Variants in AUTS2 observed in about 807,000 individuals in gnomAD.
AUTS2 encodes activator of transcription and developmental regulator AUTS2.
A neutral mutation model predicts 112.4 loss-of-function variants in AUTS2; 17 were observed. The observed-to-expected ratio is 0.15, with a 90% confidence interval of 0.10 to 0.23. The LOEUF (loss-of-function observed/expected upper bound fraction) is 0.23. Among genes scored for constraint, AUTS2 ranks in the 10% least tolerant of loss-of-function variants. The probability of loss-of-function intolerance (pLI) is 1.00; values close to 1 mark genes in which losing one functional copy is unlikely to be tolerated. For synonymous variants in AUTS2, 751 were observed against 702.7 expected, an observed-to-expected ratio of 1.07 and a Z score of -1.09; for missense variants, 1,510 against 1,701.6, an observed-to-expected ratio of 0.89 and a Z score of 1.98.
At chr7:69,858,135 T>C (rs1792817458) in intron 1 of AUTS2, among the ~76,000 whole-genome samples, 1 of 152,196 alleles carries the variant, frequency 6.6e-6, no homozygotes, top group East Asian at 1.9e-4. Flanking sequence ...ACCTGGTGTG[T>C]GGCTAGATCA....
intron 1 of AUTS2, among the ~76,000 whole-genome samples, chr7:69,881,371 A>ATTT (rs34319045): frequency 7.3e-6 from 1 of 136,824 alleles, no homozygotes; most frequent in African/African-American, 2.7e-5. Flanking sequence ...CAATAAACCC[A>ATTT]TTTTTTTTTT....
intron 2 of AUTS2, among the ~76,000 whole-genome samples, chr7:70,034,632 C>G (rs1355754451): frequency 6.6e-6 from 1 of 152,154 alleles, no homozygotes; most frequent in African/African-American, 2.4e-5. Context: ...TCTAGTATCA[C>G]TGTCTTGTTC....
intron 2 of AUTS2, among the ~76,000 whole-genome samples, chr7:70,046,431 A>G (rs1033795344): frequency 5.3e-5 from 8 of 152,208 alleles, no homozygotes; most frequent in African/African-American, 1.7e-4. Context: ...AGTGCTAGCT[A>G]TTATAGTGAT....
At chr7:70,042,519 T>C (rs1210052577) in intron 2 of AUTS2, among the ~76,000 whole-genome samples, 2 of 152,218 alleles carry the variant, frequency 1.3e-5, no homozygotes, top group African/African-American at 4.8e-5. Context: ...GTGCATTAAA[T>C]ACTGGAACCT....
intron 5 of AUTS2, among the ~76,000 whole-genome samples, chr7:70,590,578 C>T (rs763002116): frequency 1.3e-5 from 2 of 152,170 alleles, no homozygotes; most frequent in Non-Finnish European, 1.5e-5. Flanking sequence ...CTCGTCCCTC[C>T]AGACCTTTGA....
intron 5 of AUTS2, among the ~76,000 whole-genome samples, chr7:70,586,677 C>T (rs1333994473): frequency 6.6e-6 from 1 of 152,144 alleles, no homozygotes; most frequent in East Asian, 1.9e-4. Context: ...GCATCCTAAA[C>T]TCTGGTGTGG....
chr7:69,887,121 T>G (rs1337068391), intron 1 of AUTS2, among the ~76,000 whole-genome samples: 2 of 152,088 alleles, frequency 1.3e-5, no homozygotes, highest in African/African-American at 2.4e-5. Flanking sequence ...ACTTATTGAT[T>G]GTCTTCCTGG....
At chr7:70,355,759 A>G (rs1791982045) in intron 4 of AUTS2, among the ~76,000 whole-genome samples, 1 of 152,082 alleles carries the variant, frequency 6.6e-6, no homozygotes, top group African/African-American at 2.4e-5. Context: ...CTGATATATG[A>G]CACTAATATA....
At chr7:69,929,235 A>C (rs1338071591) in intron 2 of AUTS2, among the ~76,000 whole-genome samples, 1 of 151,124 alleles carries the variant, frequency 6.6e-6, no homozygotes, top group Non-Finnish European at 1.5e-5. Context: ...AATTTGTGTC[A>C]CTCTTAGTTT....
Position 70,118,398 on chromosome 7 carries a change from A to C in AUTS2, c.624+165A>C, listed in dbSNP as rs1439872660. On this transcript the variant is annotated intron_variant, in intron 3 of 18. Transcript: ENST00000342771. ...ATTATCTTTGTATACTTATTTGAGC[A>C]TTGTAGTTATGGTGTCATTCTAAAA... 11 of 818,170 alleles carry C rather than the reference A, an allele frequency of 1.3e-5. No homozygotes were observed. In the African/African-American group the frequency reaches 2.0e-4, roughly 15 times the overall value. The allele number at this position is 818,170 out of a possible 1,614,324, so 50.7% of individuals were successfully genotyped here.
chr7:70,616,753 G>GTTTT (rs67691820), intron 5 of AUTS2, among the ~76,000 whole-genome samples: 1,577 of 131,224 alleles, frequency 0.012, 35 homozygotes, highest in African/African-American at 0.039. Flanking sequence ...GTGTCGAATA[G>GTTTT]TTTTTTTTTT....
intron 1 of AUTS2, among the ~76,000 whole-genome samples, chr7:69,610,348 T>C (rs1220941223): frequency 1.3e-5 from 2 of 152,252 alleles, no homozygotes; most frequent in Non-Finnish European, 2.9e-5. Flanking sequence ...GGCCTACCTC[T>C]ACTCACTCTC....
At chr7:69,784,158 A>G (rs181246903) in intron 1 of AUTS2, among the ~76,000 whole-genome samples, 5 of 152,310 alleles carry the variant, frequency 3.3e-5, no homozygotes, top group Non-Finnish European at 5.9e-5. Context: ...AAAATTCTCC[A>G]GGCTGCTTCG....
intron 5 of AUTS2, among the ~76,000 whole-genome samples, chr7:70,641,317 A>G (rs1805815669): frequency 6.6e-6 from 1 of 152,188 alleles, no homozygotes; most frequent in Admixed American, 6.5e-5. Flanking sequence ...TGGGAGGCCA[A>G]GGCAGGCGGA....
At chr7:69,932,425 G>T (rs190484364) in intron 2 of AUTS2, among the ~76,000 whole-genome samples, 7 of 152,236 alleles carry the variant, frequency 4.6e-5, no homozygotes, top group Non-Finnish European at 1.0e-4. Flanking sequence ...GGCAAGGGAG[G>T]GTGGGGAGGA....
intron 5 of AUTS2, among the ~76,000 whole-genome samples, chr7:70,639,746 C>T (rs911104437): frequency 1.3e-5 from 2 of 151,076 alleles, no homozygotes; most frequent in Non-Finnish European, 2.9e-5. Context: ...TATTGGAAAC[C>T]AGAAGGGAGT....
At chr7:70,012,931 C>T (rs1216604730) in intron 2 of AUTS2, among the ~76,000 whole-genome samples, 2 of 152,032 alleles carry the variant, frequency 1.3e-5, no homozygotes, top group Admixed American at 6.5e-5. Flanking sequence ...TGAATAGGAC[C>T]GCATATGTGT....
intron 1 of AUTS2, among the ~76,000 whole-genome samples, chr7:69,701,566 T>C (rs1445315552): frequency 1.3e-5 from 2 of 152,162 alleles, no homozygotes; most frequent in African/African-American, 4.8e-5. Context: ...GTCACTCTCC[T>C]TTGACTGGGG....
chr7:70,101,061 A>G (rs1031503914), intron 2 of AUTS2, among the ~76,000 whole-genome samples: 18 of 152,110 alleles, frequency 1.2e-4, no homozygotes, highest in East Asian at 9.8e-4. Flanking sequence ...TATTTTTAGT[A>G]GAGACGGGGT....
Sources: gnomAD v4.1 joint callset for allele counts (sites outside exome capture counted in the v4.1 genomes callset) on GRCh38, gnomAD v4.1.1 for gene constraint, MANE v1.5 for transcripts, NCBI Gene and HGNC (gene_info 2026-07-23, HGNC 2026-07-21) for gene names.